PLEKHH2: variants seen among roughly 807,000 people sequenced by gnomAD.
PLEKHH2 encodes pleckstrin homology, MyTH4 and FERM domain containing H2.
Under a neutral mutation model 187.9 loss-of-function variants are expected in PLEKHH2, and 129 were observed. The ratio of observed to expected loss-of-function variants is 0.69; its 90% CI spans 0.59 to 0.79. The LOEUF (loss-of-function observed/expected upper bound fraction) is 0.79, where lower values mean the gene tolerates loss of function less well. Among genes scored for constraint, PLEKHH2 ranks in the 30% least tolerant of loss-of-function variants. The pLI is 0.00. For missense variants in PLEKHH2, 2,076 were observed against 1,751.2 expected (o/e 1.19, Z -3.31); for synonymous variants, 686 against 605.6 (o/e 1.13, Z -1.95).
intron 1 of PLEKHH2, among the ~76,000 whole-genome samples, chr2:43,644,332 A>T (rs1261887117): frequency 6.6e-6 from 1 of 152,146 alleles, no homozygotes; most frequent in Non-Finnish European, 1.5e-5. Flanking sequence ...TAGAAATAGC[A>T]GTATTTCATT....
intron 3 of PLEKHH2, 129 bp from the exon 4 acceptor site, chr2:43,692,385 C>T (rs1312500765): frequency 3.0e-6 from 2 of 672,764 alleles, no homozygotes; most frequent in East Asian, 2.9e-5. Flanking sequence ...TATATTAAAC[C>T]TTGCTGTTTA....
intron 15 of PLEKHH2, among the ~76,000 whole-genome samples, chr2:43,718,707 T>G (rs1670331513): frequency 6.6e-6 from 1 of 152,210 alleles, no homozygotes; most frequent in African/African-American, 2.4e-5. Flanking sequence ...TATAGCCAGA[T>G]GCATTATACT....
Position 43,710,080 on chromosome 2 carries a change from A to C in PLEKHH2, c.2057A>C (p.Gln686Pro), listed in dbSNP as rs1441153389. The change falls in exon 12 of 30, where the codon CAG becomes CCG. Residue 686 changes from glutamine (Q) to proline (P), a missense_variant. Coordinates refer to ENST00000282406, the MANE Select transcript of PLEKHH2 (RefSeq NM_172069.4). ...STDTEYSQPEQKLPKTCSSSS... is the reference protein window; with the variant it reads ...STDTEYSQPEPKLPKTCSSSS... ...GACACGGAGTACTCACAGCCAGAGC[A>C]GAAGCTCCCAAAAACTTGCTCATCT... 6.2e-7 allele frequency: 1 copy of C among 1,613,510 alleles called. No homozygotes were observed. The highest frequency in any genetic ancestry group is 1.7e-5 in the Admixed American group (1 of 59,850).
chr2:43,692,444 A>G, intron 3 of PLEKHH2, 70 bp from the exon 4 acceptor site: 1 of 1,299,846 alleles, frequency 7.7e-7, no homozygotes, highest in South Asian at 1.5e-5. Context: ...TATTAAGGTA[A>G]AATTCTAGGT....
intron 2 of PLEKHH2, among the ~76,000 whole-genome samples, chr2:43,666,891 C>G (rs1477237746): frequency 6.6e-6 from 1 of 151,970 alleles, no homozygotes; most frequent in Non-Finnish European, 1.5e-5. Context: ...TTTCTAGTAT[C>G]TCATTTTTCT....
intron 16 of PLEKHH2, among the ~76,000 whole-genome samples, chr2:43,725,839 G>C (rs541466937): frequency 1.3e-5 from 2 of 152,068 alleles, no homozygotes; most frequent in Non-Finnish European, 2.9e-5. Context: ...ATACTGATGC[G>C]GTGGCTCACG....
chr2:43,754,195 C>A lies in PLEKHH2; in HGVS notation c.3795+435C>A, dbSNP rs1182351565. Among the ~76,000 whole-genome samples, 1,175 of 127,468 alleles carry A rather than the reference C, an allele frequency of 9.2e-3. 9 individuals carry two copies. Among genetic ancestry groups the A allele is most frequent in the Middle Eastern group, 0.026 (6 of 230 alleles). The allele number at this position is 127,468 out of a possible 152,430, so 83.6% of individuals were successfully genotyped here. On this transcript the variant is annotated intron_variant, in intron 25 of 29. Coordinates refer to ENST00000282406, the MANE Select transcript of PLEKHH2 (RefSeq NM_172069.4). ...ACACACACACACACACACACACACACACACACACACAAAATTAATACTGAC... is the reference window on the plus strand; with the variant it reads ...ACACACACACACACACACACACACAAACACACACACAAAATTAATACTGAC...
chr2:43,675,074 A>T (rs1259384083), intron 2 of PLEKHH2: 1 of 229,096 alleles, frequency 4.4e-6, no homozygotes. Flanking sequence ...TTTATTATCC[A>T]GTAGAAATAT....
chr2:43,731,640 A>G, intron 19 of PLEKHH2, 38 bp downstream of exon 19: 1 of 1,308,294 alleles, frequency 7.6e-7, no homozygotes, highest in Non-Finnish European at 1.1e-6. Context: ...TTTAAGGTAA[A>G]ATACTTATAT....
At chr2:43,718,619 G>A (rs922226247) in intron 15 of PLEKHH2, among the ~76,000 whole-genome samples, 7 of 152,022 alleles carry the variant, frequency 4.6e-5, no homozygotes, top group African/African-American at 1.2e-4. Flanking sequence ...AATTGGCAAA[G>A]GTCTTCATTA....
intron 2 of PLEKHH2, among the ~76,000 whole-genome samples, chr2:43,660,429 G>C (rs904191492): frequency 9.9e-6 from 1 of 100,534 alleles, no homozygotes. Flanking sequence ...GTAAACATAT[G>C]TTTAACTTTT....
At chr2:43,703,947 A>C in intron 8 of PLEKHH2, 34 bp from the exon 9 acceptor site, 1 of 607,142 alleles carries the variant, frequency 1.6e-6, no homozygotes, top group Non-Finnish European at 2.5e-6. Context: ...TTTTTGCTTT[A>C]AATACCCTGT....
intron 2 of PLEKHH2, among the ~76,000 whole-genome samples, chr2:43,678,557 A>G (rs1272580762): frequency 1.3e-5 from 2 of 152,310 alleles, no homozygotes; most frequent in East Asian, 1.9e-4. Context: ...AAAAAATACG[A>G]AAACCAGTCA....
chr2:43,765,220 A>C (rs1178352103), intron 29 of PLEKHH2, among the ~76,000 whole-genome samples, 193 bp from the exon 30 acceptor site: 1 of 152,164 alleles, frequency 6.6e-6, no homozygotes, highest in Non-Finnish European at 1.5e-5. Flanking sequence ...CTGCTGGTTT[A>C]AGTAATGAAA....
intron 23 of PLEKHH2, among the ~76,000 whole-genome samples, chr2:43,745,038 G>C (rs1671721240): frequency 6.6e-6 from 1 of 152,052 alleles, no homozygotes; most frequent in Admixed American, 6.6e-5. Flanking sequence ...ACTAGGCCGG[G>C]TGTGGTGGCT....
chr2:43,684,421 G>A (rs999358244), intron 3 of PLEKHH2, among the ~76,000 whole-genome samples: 7 of 152,038 alleles, frequency 4.6e-5, no homozygotes, highest in African/African-American at 1.7e-4. Flanking sequence ...GGATGGTTTT[G>A]TTTTGCCTTA....
intron 6 of PLEKHH2, among the ~76,000 whole-genome samples, chr2:43,695,904 T>C (rs1447721541): frequency 6.6e-6 from 1 of 152,212 alleles, no homozygotes; most frequent in African/African-American, 2.4e-5. Context: ...GAACACATTA[T>C]TGAACTTGGC....
At chr2:43,689,195 A>C (rs1668675792) in intron 3 of PLEKHH2, among the ~76,000 whole-genome samples, 1 of 152,238 alleles carries the variant, frequency 6.6e-6, no homozygotes, top group African/African-American at 2.4e-5. Context: ...GTACACCCCA[A>C]GTCTACTGAG....
intron 3 of PLEKHH2, among the ~76,000 whole-genome samples, chr2:43,682,009 C>T (rs913857851): frequency 2.0e-5 from 3 of 152,168 alleles, no homozygotes; most frequent in Non-Finnish European, 2.9e-5. Context: ...GCATCACCCA[C>T]TTCAACAATT....
Sources: allele counts gnomAD v4.1 joint callset (sites outside exome capture counted in the v4.1 genomes callset), GRCh38; gene constraint gnomAD v4.1.1; transcripts MANE v1.5; gene names NCBI Gene and HGNC (gene_info 2026-07-23, HGNC 2026-07-21).